DOCK7: variants seen among roughly 807,000 people sequenced by gnomAD.
The protein encoded by DOCK7 is dedicator of cytokinesis protein 7.
Under a neutral mutation model 271.0 loss-of-function variants are expected in DOCK7, and 138 were observed. The ratio of observed to expected loss-of-function variants is 0.51; its 90% CI spans 0.44 to 0.59. The LOEUF (loss-of-function observed/expected upper bound fraction) is 0.59. Among genes scored for constraint, DOCK7 ranks in the 20% least tolerant of loss-of-function variants. DOCK7 has a pLI of 0.00. For synonymous variants in DOCK7, 823 were observed against 876.1 expected (o/e 0.94, Z 1.07); for missense variants, 2,066 against 2,592.4 (o/e 0.80, Z 4.41).
Position 62,495,686 on chromosome 1 carries a change from A to C in DOCK7, c.4924-5T>G. The C allele has an allele frequency of 2.5e-6, 4 of 1,575,742 alleles. No individual in the cohort carries two copies. Among genetic ancestry groups the C allele is most frequent in the Non-Finnish European group, 3.4e-6 (4 of 1,168,292 alleles). ...ATTGAAAACCAGATCCTGGACCTGC[A>C]GCAGAGAATTATATGAAAAACATTC... On this transcript the variant is annotated splice_polypyrimidine_tract_variant and splice_region_variant and intron_variant, in intron 38 of 49. Coordinates refer to ENST00000635253, the MANE Select transcript of DOCK7 (RefSeq NM_001367561.1).
Position 62,569,818 on chromosome 1 carries a change from A to G in DOCK7, c.2112+7444T>C, listed in dbSNP as rs571771301. Among the ~76,000 whole-genome samples the G allele has an allele frequency of 3.0e-3, 448 of 150,380 alleles. 4 individuals carry two copies. The highest frequency in any genetic ancestry group is 0.022 in the South Asian group (105 of 4,752). ...AACCTCCACCTCCTGGGTTCAAGCA[A>G]TTCTTCCACCTCAGCCTCTCTAGTA... is the stretch of plus-strand genomic sequence containing the variant. On this transcript the variant is annotated intron_variant, in intron 18 of 49. Transcript: ENST00000635253.
chr1:62,688,237 T>G lies in DOCK7; in HGVS notation c.28A>C (p.Lys10Gln), dbSNP rs1662075003. The change falls in exon 1 of 50, where the codon AAG (lysine) becomes CAG (glutamine). Residue 10 changes from lysine (K) to glutamine (Q), a missense_variant. Transcript: ENST00000635253. MAERRAFAQ[K>Q]ISRTVAAEVR... ...ACGCCGGATATTTACCTGCTGATCT[T>G]CTGGGCGAAGGCGCGGCGCTCGGCC... is the stretch of plus-strand genomic sequence containing the variant. 1.5e-6 allele frequency: 2 copies of G among 1,375,296 alleles called. No homozygotes were observed. The highest frequency in any genetic ancestry group is 1.9e-6 in the Non-Finnish European group (2 of 1,052,180). 85.2% of individuals were successfully genotyped at this position (1,375,296 alleles called of 1,614,324 possible).
intron 37 of DOCK7, among the ~76,000 whole-genome samples, chr1:62,501,228 C>G (rs894974682): frequency 6.6e-6 from 1 of 152,014 alleles, no homozygotes; most frequent in Non-Finnish European, 1.5e-5. Context: ...CTCCTAAGAA[C>G]CTTGATGAGG....
chr1:62,518,257 G>A (rs1452716622), intron 31 of DOCK7, among the ~76,000 whole-genome samples: 1 of 151,594 alleles, frequency 6.6e-6, no homozygotes, highest in Admixed American at 6.6e-5. Flanking sequence ...CCAACATAGT[G>A]CAACTCATCT....
chr1:62,523,268 A>G lies in DOCK7; in HGVS notation c.3936+4883T>C, dbSNP rs374368884. Among the ~76,000 whole-genome samples the G allele has an allele frequency of 4.6e-4, 70 of 152,318 alleles. 2 individuals carry two copies. The East Asian group carries it at 7.7e-3, about 17-fold the overall frequency. ...TTTAAAAATGTATGACTTTCTCTAC[A>G]TGGTAGACCATATACAGGCAGTATT... On this transcript the variant is annotated intron_variant, in intron 31 of 49. Transcript: ENST00000635253.
intron 1 of DOCK7, among the ~76,000 whole-genome samples, chr1:62,684,473 T>G (rs931774447): frequency 6.6e-6 from 1 of 152,236 alleles, no homozygotes; most frequent in African/African-American, 2.4e-5. Context: ...TTATTGAGGC[T>G]GTTATCCCCA....
chr1:62,479,585 AAG>A, intron 43 of DOCK7: 1 of 160,096 alleles, frequency 6.2e-6, no homozygotes, highest in East Asian at 1.7e-4. Context: ...AAATAAAAAA[AAG>A]AACCTAAGAA....
intron 18 of DOCK7, among the ~76,000 whole-genome samples, chr1:62,569,609 G>A (rs1292659096): frequency 6.6e-6 from 1 of 151,942 alleles, no homozygotes; most frequent in Non-Finnish European, 1.5e-5. Context: ...AGCCATTTAT[G>A]AAAAACCCAC....
chr1:62,559,605 G>A (rs976043341), intron 19 of DOCK7, among the ~76,000 whole-genome samples: 14 of 152,160 alleles, frequency 9.2e-5, no homozygotes, highest in African/African-American at 2.7e-4. Context: ...TGATACTGGC[G>A]TCATTCTTTT....
chr1:62,688,348 C>G lies in DOCK7; in HGVS notation c.-84G>C, dbSNP rs980488350. ...GGGCGCGTGCCTCCTCGCTCGTGCT[C>G]CCTCCCTCGCGGCCTCCGCCAGTCC... On this transcript the variant is annotated 5_prime_UTR_variant, in exon 1 of 50. Transcript: ENST00000635253. The G allele has an allele frequency of 1.1e-6, 1 of 951,500 alleles. No individual in the cohort carries two copies. Among genetic ancestry groups the G allele is most frequent in the East Asian group, 4.4e-5 (1 of 22,508 alleles). The allele number at this position is 951,500 out of a possible 1,614,324, so 58.9% of individuals were successfully genotyped here.
At chr1:62,644,808 T>C (rs913192881) in intron 7 of DOCK7, among the ~76,000 whole-genome samples, 2 of 152,202 alleles carry the variant, frequency 1.3e-5, no homozygotes, top group African/African-American at 4.8e-5. Context: ...AAGTTCTTCC[T>C]CACTTTAAAC....
At chr1:62,619,868 T>A in intron 13 of DOCK7, 32 bp downstream of exon 13, 1 of 1,405,732 alleles carries the variant, frequency 7.1e-7, no homozygotes, top group Admixed American at 1.8e-5. Flanking sequence ...TAATAATAGT[T>A]GCAACCATTT....
At chr1:62,580,611 T>C (rs1391773344) in intron 16 of DOCK7, among the ~76,000 whole-genome samples, 13 of 152,190 alleles carry the variant, frequency 8.5e-5, no homozygotes, top group Non-Finnish European at 1.6e-4. Flanking sequence ...ATTCAATAAG[T>C]AGGTTTAATT....
rs759877282 is a variant in DOCK7, at chr1:62,577,339, G to A, written c.2035C>T (p.Arg679Trp). The A allele has an allele frequency of 3.0e-5, 47 of 1,585,034 alleles. No homozygotes were observed. In the South Asian group the frequency reaches 4.6e-4, roughly 16 times the overall value. Reference sequence around the variant, plus strand: ...AAGCAAAACTGGCCAGTCTTCAACCGTCCATTCTGAAGCATTGGTATCCAC... The same window carrying A: ...AAGCAAAACTGGCCAGTCTTCAACCATCCATTCTGAAGCATTGGTATCCAC... ...YTWIPMLQNGRLKTGQFCLPV... is the reference protein window; with the variant it reads ...YTWIPMLQNGWLKTGQFCLPV... The change falls in exon 18 of 50, where the codon CGG (arginine) becomes TGG (tryptophan). Residue 679 changes from arginine to tryptophan, a missense_variant. Coordinates refer to ENST00000635253, the MANE Select transcript of DOCK7 (RefSeq NM_001367561.1).
At chr1:62,676,657 G>C (rs1333317889) in intron 1 of DOCK7, among the ~76,000 whole-genome samples, 1 of 152,144 alleles carries the variant, frequency 6.6e-6, no homozygotes, top group Admixed American at 6.5e-5. Flanking sequence ...GCTGAATGCA[G>C]TCACTAAGAA....
intron 14 of DOCK7, among the ~76,000 whole-genome samples, chr1:62,588,157 ATGAC>A (rs1277034722): frequency 6.6e-6 from 1 of 152,224 alleles, no homozygotes; most frequent in African/African-American, 2.4e-5. Flanking sequence ...AAAGATGACT[ATGAC>A]TGACCAACCA....
At chr1:62,520,224 T>C (rs925920721) in intron 31 of DOCK7, among the ~76,000 whole-genome samples, 1 of 152,110 alleles carries the variant, frequency 6.6e-6, no homozygotes, top group Admixed American at 6.6e-5. Context: ...CCAAAAGCAA[T>C]GGCAACAAAA....
At chr1:62,616,185 T>A (rs1025037219) in intron 14 of DOCK7, among the ~76,000 whole-genome samples, 3 of 151,804 alleles carry the variant, frequency 2.0e-5, no homozygotes, top group Admixed American at 2.0e-4. Flanking sequence ...ACTGGATACA[T>A]CCTTAAGAGA....
At chr1:62,595,989 G>A (rs1446007394) in intron 14 of DOCK7, among the ~76,000 whole-genome samples, 8 of 152,030 alleles carry the variant, frequency 5.3e-5, no homozygotes, top group Non-Finnish European at 1.2e-4. Flanking sequence ...AATTTACACT[G>A]AAATTTATTA....
Sources: allele counts gnomAD v4.1 joint callset (sites outside exome capture counted in the v4.1 genomes callset), GRCh38; gene constraint gnomAD v4.1.1; transcripts MANE v1.5; gene names NCBI Gene and HGNC (gene_info 2026-07-23, HGNC 2026-07-21).